ADD3: variants seen among roughly 807,000 people sequenced by gnomAD.
ADD3 encodes the protein gamma-adducin.
Under a neutral mutation model 80.2 loss-of-function variants are expected in ADD3, and 25 were observed. The observed-to-expected ratio is 0.31, with a 90% CI of 0.23 to 0.44. ADD3 has a LOEUF of 0.44. ADD3 is among the 20% of genes least tolerant of loss of function. The probability of loss-of-function intolerance (pLI) is 1.00; values close to 1 mark genes in which losing one functional copy is unlikely to be tolerated. For missense variants in ADD3, 829 were observed against 847.5 expected, an observed-to-expected ratio of 0.98 and a Z score of 0.27; for synonymous variants, 284 against 289.6, an observed-to-expected ratio of 0.98 and a Z score of 0.20.
At chr10:110,029,907 C>T (rs1005721381) in intron 1 of ADD3, among the ~76,000 whole-genome samples, 9 of 152,100 alleles carry the variant, frequency 5.9e-5, no homozygotes, top group African/African-American at 1.9e-4. Flanking sequence ...AAAAATTGCC[C>T]AGACTCGTAC....
intron 1 of ADD3, among the ~76,000 whole-genome samples, chr10:110,040,164 G>T (rs575887663): frequency 1.3e-5 from 2 of 151,702 alleles, no homozygotes; most frequent in African/African-American, 4.9e-5. Context: ...TAGGTAAATC[G>T]TTAGGAAAGT....
intron 1 of ADD3, among the ~76,000 whole-genome samples, chr10:110,039,205 ATGT>A (rs1336808011): frequency 6.6e-6 from 1 of 151,722 alleles, no homozygotes. Flanking sequence ...CAGAGTAATC[ATGT>A]TGTTGCTTGC....
At chr10:110,029,084 G>A (rs916726319) in intron 1 of ADD3, among the ~76,000 whole-genome samples, 10 of 152,138 alleles carry the variant, frequency 6.6e-5, no homozygotes, top group African/African-American at 2.4e-4. Context: ...TCTCCATGTT[G>A]GTCAGGCTAG....
At chr10:110,083,516 A>G (rs1020908765) in intron 1 of ADD3, among the ~76,000 whole-genome samples, 1 of 128,102 alleles carries the variant, frequency 7.8e-6, no homozygotes, top group South Asian at 2.9e-4. Flanking sequence ...ACTCCGTCTC[A>G]AAAAAAAAAA....
chr10:110,002,496 G>C (rs1012995046), upstream of ADD3, among the ~76,000 whole-genome samples: 6 of 151,870 alleles, frequency 4.0e-5, no homozygotes, highest in African/African-American at 1.5e-4. Context: ...GGATGGTCTC[G>C]ATCTCCTGAC....
chr10:110,006,019 T>TGCTGCTGCCGCCGCCGCCGCC (rs1426121545), upstream of ADD3: 9 of 221,336 alleles, frequency 4.1e-5, no homozygotes, highest in African/African-American at 2.3e-4. Context: ...CCGCCGCCGC[T>TGCTGCTGCCGCCGCCGCCGCC]GCTGCTGCTG....
intron 3 of ADD3, among the ~76,000 whole-genome samples, chr10:110,114,178 C>T (rs1314576277): frequency 6.6e-6 from 1 of 152,138 alleles, no homozygotes; most frequent in African/African-American, 2.4e-5. Context: ...GAAATAGCAA[C>T]CAGTTGCCTG....
At chr10:110,116,231 T>C (rs1850711945) in intron 3 of ADD3, 28 bp from the exon 4 acceptor site, 3 of 1,611,584 alleles carry the variant, frequency 1.9e-6, no homozygotes, top group Admixed American at 3.3e-5. Context: ...ATGACTCGTA[T>C]CTCTCTCCAC....
At chr10:110,038,135 A>G (rs1855886419) in intron 1 of ADD3, among the ~76,000 whole-genome samples, 1 of 151,912 alleles carries the variant, frequency 6.6e-6, no homozygotes, top group Non-Finnish European at 1.5e-5. Context: ...GATAAAAATT[A>G]GCAGTAAACC....
At chr10:110,099,218 C>T (rs1848526820) in intron 1 of ADD3, among the ~76,000 whole-genome samples, 1 of 151,174 alleles carries the variant, frequency 6.6e-6, no homozygotes, top group Non-Finnish European at 1.5e-5. Context: ...CATGAGCCAC[C>T]ACGCCCAGCT....
chr10:110,053,961 G>A (rs1337072371), intron 1 of ADD3, among the ~76,000 whole-genome samples: 2 of 152,126 alleles, frequency 1.3e-5, no homozygotes, highest in African/African-American at 2.4e-5. Flanking sequence ...AAAACAAACC[G>A]ACCTGGAAAT....
chr10:110,071,028 G>A (rs1430549191), intron 1 of ADD3, among the ~76,000 whole-genome samples: 6 of 148,296 alleles, frequency 4.0e-5, no homozygotes, highest in Non-Finnish European at 7.4e-5. Flanking sequence ...CTATCCAACA[G>A]CAGTGTTTGA....
intron 1 of ADD3, among the ~76,000 whole-genome samples, chr10:110,067,109 T>TA (rs767993518): frequency 2.6e-5 from 4 of 152,184 alleles, no homozygotes; most frequent in Non-Finnish European, 5.9e-5. Flanking sequence ...TAGTGCCTTT[T>TA]AAAAAAATTC....
At chr10:110,015,269 T>C (rs2133014130) in intron 1 of ADD3, among the ~76,000 whole-genome samples, 1 of 144,220 alleles carries the variant, frequency 6.9e-6, no homozygotes, top group African/African-American at 3.0e-5. Flanking sequence ...AATTGGGAGC[T>C]ATTATTTATT....
intron 1 of ADD3, among the ~76,000 whole-genome samples, chr10:110,022,124 A>C (rs1159677782): frequency 6.6e-6 from 1 of 151,628 alleles, no homozygotes; most frequent in Non-Finnish European, 1.5e-5. Context: ...TTGATAACTC[A>C]GGGGTGAGTC....
At chr10:110,126,292 A>G (rs1280531092) in intron 11 of ADD3, 125 bp from the exon 12 acceptor site, 4 of 687,658 alleles carry the variant, frequency 5.8e-6, no homozygotes, top group Admixed American at 2.6e-5. Flanking sequence ...GTCTTTATGG[A>G]GGTGGGAATT....
chr10:110,117,851 T>C (rs1033395819), intron 5 of ADD3, among the ~76,000 whole-genome samples: 1 of 151,980 alleles, frequency 6.6e-6, no homozygotes, highest in Non-Finnish European at 1.5e-5. Context: ...CCATCTCTAC[T>C]AAAGATAACA....
At chr10:110,107,731 G>A (rs1026934270) in intron 2 of ADD3, among the ~76,000 whole-genome samples, 1 of 152,112 alleles carries the variant, frequency 6.6e-6, no homozygotes, top group South Asian at 2.1e-4. Flanking sequence ...TACCTCACAC[G>A]GTTGTGACAA....
intron 2 of ADD3, among the ~76,000 whole-genome samples, chr10:110,104,980 A>T (rs984549128): frequency 2.0e-5 from 3 of 152,220 alleles, no homozygotes; most frequent in Non-Finnish European, 4.4e-5. Context: ...ATATCATCTT[A>T]TTCATCTTCA....
Sources: allele counts gnomAD v4.1 joint callset (sites outside exome capture counted in the v4.1 genomes callset), GRCh38; gene constraint gnomAD v4.1.1; transcripts MANE v1.5; gene names NCBI Gene and HGNC (gene_info 2026-07-23, HGNC 2026-07-21).